The following PLCB4 variants were observed in gnomAD, a reference collection of about 807,000 sequenced individuals.
PLCB4 encodes the protein phospholipase C beta 4, also known as 1-phosphatidylinositol 4,5-bisphosphate phosphodiesterase beta-4.
Under a neutral mutation model 178.8 loss-of-function variants are expected in PLCB4, and 77 were observed. The ratio of observed to expected loss-of-function variants is 0.43; its 90% confidence interval spans 0.36 to 0.52. The LOEUF (loss-of-function observed/expected upper bound fraction) is 0.52, where lower values mean the gene tolerates loss of function less well. PLCB4 is among the 20% of genes least tolerant of loss of function. PLCB4 has a pLI of 0.00. For missense variants in PLCB4, 1,024 were observed against 1,453.4 expected (o/e 0.70, Z 4.80); for synonymous variants, 496 against 490.8 (o/e 1.01, Z -0.14).
intron 2 of PLCB4, among the ~76,000 whole-genome samples, chr20:9,197,853 T>A (rs948914876): frequency 1.3e-5 from 2 of 152,178 alleles, no homozygotes; most frequent in Non-Finnish European, 2.9e-5. Flanking sequence ...TGGGCATCTG[T>A]AATCCCAGCT....
chr20:9,308,935 A>G (rs2094800183), intron 4 of PLCB4, among the ~76,000 whole-genome samples: 1 of 152,240 alleles, frequency 6.6e-6, no homozygotes, highest in South Asian at 2.1e-4. Flanking sequence ...ATGAAACAGA[A>G]TAATATTCTG....
chr20:9,239,230 C>T (rs909910836), intron 3 of PLCB4, among the ~76,000 whole-genome samples: 1 of 152,170 alleles, frequency 6.6e-6, no homozygotes, highest in African/African-American at 2.4e-5. Context: ...GAACTTTCTT[C>T]CTTCCACTCC....
chr20:9,084,251 T>C (rs2090296277), intron 1 of PLCB4, among the ~76,000 whole-genome samples: 1 of 152,184 alleles, frequency 6.6e-6, no homozygotes, highest in Admixed American at 6.5e-5. Context: ...TGCACATACT[T>C]CTTTAAGGAG....
At chr20:9,310,732 TA>T (rs933915098) in intron 4 of PLCB4, among the ~76,000 whole-genome samples, 3 of 151,376 alleles carry the variant, frequency 2.0e-5, no homozygotes, top group Non-Finnish European at 4.4e-5. Flanking sequence ...AAAAAATAAA[TA>T]AAAAAAGGGA....
intron 1 of PLCB4, among the ~76,000 whole-genome samples, chr20:9,082,460 G>C (rs1315399526): frequency 6.6e-6 from 1 of 152,134 alleles, no homozygotes; most frequent in African/African-American, 2.4e-5. Flanking sequence ...CAAGCTTGGA[G>C]CATTAATAGG....
intron 2 of PLCB4, among the ~76,000 whole-genome samples, chr20:9,193,248 A>C (rs901222200): frequency 1.4e-4 from 22 of 152,350 alleles, no homozygotes; most frequent in Admixed American, 1.4e-3. Context: ...AGAGTAAGAA[A>C]GTGAGACAGA....
At chr20:9,111,058 A>G (rs898097960) in intron 2 of PLCB4, among the ~76,000 whole-genome samples, 1 of 152,180 alleles carries the variant, frequency 6.6e-6, no homozygotes, top group Non-Finnish European at 1.5e-5. Context: ...CACTGGGGAC[A>G]TTGGGAAACT....
intron 9 of PLCB4, among the ~76,000 whole-genome samples, chr20:9,369,538 A>T (rs577183539): frequency 1.2e-4 from 18 of 152,312 alleles, no homozygotes; most frequent in Non-Finnish European, 2.1e-4. Context: ...TCACACACAT[A>T]TTCTCTCCCA....
chr20:9,119,856 T>C (rs2091900553), intron 2 of PLCB4, among the ~76,000 whole-genome samples: 3 of 152,234 alleles, frequency 2.0e-5, no homozygotes, highest in Non-Finnish European at 4.4e-5. Context: ...AACCACGCTG[T>C]TGCCTTAGGC....
chr20:9,117,585 A>G lies in PLCB4; in HGVS notation c.-79+21243A>G, dbSNP rs1035765485. Among the ~76,000 whole-genome samples the G allele has an allele frequency of 1.3e-4, 20 of 152,302 alleles. No individual in the cohort carries two copies. The East Asian group carries it at 3.5e-3, about 26-fold the overall frequency. On this transcript the variant is annotated intron_variant, in intron 2 of 39. Coordinates refer to ENST00000378473, the MANE Select transcript of PLCB4 (RefSeq NM_001377142.1). ...GATTCCCCTGCTGAAAAATCCTCCA[A>G]TGGCTTTCCTTTAGATGTAGAATTT...
chr20:9,347,386 C>T lies in PLCB4; in HGVS notation c.369+8349C>T, dbSNP rs568513185. Reference sequence around the variant, plus strand: ...TTTAAACATTGTGCAAAATGACAAACATGTCTGTGGATCATTTAGAACCAT... The same window carrying T: ...TTTAAACATTGTGCAAAATGACAAATATGTCTGTGGATCATTTAGAACCAT... On this transcript the variant is annotated intron_variant, in intron 7 of 39. Transcript: ENST00000378473. 2.6e-5 allele frequency among the ~76,000 whole-genome samples: 4 copies of T among 152,304 alleles called. No individual in the cohort carries two copies. The South Asian group carries it at 8.3e-4, about 32-fold the overall frequency.
chr20:9,244,821 TC>T (rs1264327918), intron 3 of PLCB4, among the ~76,000 whole-genome samples: 1 of 152,238 alleles, frequency 6.6e-6, no homozygotes, highest in Non-Finnish European at 1.5e-5. Context: ...TTGTTATTTT[TC>T]TTTTATTAAA....
chr20:9,150,460 T>A (rs1296000428), intron 2 of PLCB4, among the ~76,000 whole-genome samples: 1 of 152,198 alleles, frequency 6.6e-6, no homozygotes, highest in African/African-American at 2.4e-5. Flanking sequence ...TAATGTGGTG[T>A]CTTTAAATAT....
chr20:9,350,032 G>T (rs1310635920), intron 7 of PLCB4, among the ~76,000 whole-genome samples: 1 of 152,114 alleles, frequency 6.6e-6, no homozygotes, highest in Non-Finnish European at 1.5e-5. Flanking sequence ...GTAATTTAAT[G>T]ATCATAATCT....
chr20:9,263,886 A>C (rs910764183), intron 3 of PLCB4, among the ~76,000 whole-genome samples: 6 of 152,218 alleles, frequency 3.9e-5, no homozygotes, highest in Non-Finnish European at 5.9e-5. Context: ...AGGTGTTAAA[A>C]TCATGTCCAA....
chr20:9,478,263 T>C lies in PLCB4; in HGVS notation c.3533-658T>C, dbSNP rs140929852. Among the ~76,000 whole-genome samples, 538 of 152,238 alleles carry C rather than the reference T, an allele frequency of 3.5e-3. 2 individuals carry two copies. The highest frequency in any genetic ancestry group is 0.013 in the South Asian group (64 of 4,824). On this transcript the variant is annotated intron_variant, in intron 39 of 39. Coordinates refer to ENST00000378473, the MANE Select transcript of PLCB4 (RefSeq NM_001377142.1). ...TGAACTCATGAGGTTGAATTCACCA[T>C]TGCTTACTTCCTGGTAGTCCATAAA...
At chr20:9,264,599 A>G (rs1021223285) in intron 3 of PLCB4, among the ~76,000 whole-genome samples, 81 of 152,174 alleles carry the variant, frequency 5.3e-4, no homozygotes, top group African/African-American at 1.9e-3. Flanking sequence ...GCTGTAATGC[A>G]CTTGATTTTT....
chr20:9,282,474 G>C (rs2094502752), intron 3 of PLCB4, among the ~76,000 whole-genome samples: 4 of 151,986 alleles, frequency 2.6e-5, no homozygotes, highest in African/African-American at 7.2e-5. Context: ...GGACTGCTTT[G>C]CAAGTTTCTA....
At chr20:9,367,224 C>T (rs1398062002) in intron 9 of PLCB4, among the ~76,000 whole-genome samples, 1 of 152,094 alleles carries the variant, frequency 6.6e-6, no homozygotes, top group African/African-American at 2.4e-5. Flanking sequence ...ACTTAAATAT[C>T]GAGAAAATGT....
Sources: allele counts gnomAD v4.1 joint callset (sites outside exome capture counted in the v4.1 genomes callset), GRCh38; gene constraint gnomAD v4.1.1; transcripts MANE v1.5; gene names NCBI Gene and HGNC (gene_info 2026-07-23, HGNC 2026-07-21).